Variants in PCDH11Y observed in about 807,000 individuals in gnomAD.
The protein encoded by PCDH11Y is protocadherin-11 Y-linked.
For missense variants in PCDH11Y, 12 were observed against 224.8 expected, an observed-to-expected ratio of 0.05 and a Z score of 6.05; for synonymous variants, 9 against 83.6, an observed-to-expected ratio of 0.11 and a Z score of 4.87.
At chrY:5,500,604 G>C in intron 2 of PCDH11Y, among the ~76,000 whole-genome samples, 1 of 33,327 alleles carries the variant, frequency 3.0e-5, no homozygotes, top group Non-Finnish European at 7.4e-5. Flanking sequence ...CTACATGATT[G>C]AATAAATTTG....
intron 2 of PCDH11Y, among the ~76,000 whole-genome samples, chrY:5,424,866 G>T: frequency 3.2e-5 from 1 of 31,366 alleles, no homozygotes; most frequent in Non-Finnish European, 7.7e-5. Flanking sequence ...TAGTAGAGAT[G>T]GGGTTTCACC....
chrY:5,495,752 G>T (rs2053343719), intron 2 of PCDH11Y, among the ~76,000 whole-genome samples: 36 of 33,266 alleles, frequency 1.1e-3, no homozygotes, highest in Admixed American at 2.2e-3. Flanking sequence ...TCACCTATCT[G>T]CATGCAGCCT....
At chrY:5,290,213 T>C (rs2053065942) in intron 2 of PCDH11Y, among the ~76,000 whole-genome samples, 1 of 33,291 alleles carries the variant, frequency 3.0e-5, no homozygotes, top group Non-Finnish European at 7.4e-5. Context: ...GGATCAATGA[T>C]GTTGAGCACT....
intron 3 of PCDH11Y, chrY:5,574,371 C>T: frequency 2.9e-6 from 1 of 340,318 alleles, no homozygotes; most frequent in Non-Finnish European, 4.2e-6. Flanking sequence ...CCACCACCCG[C>T]CGGAGAGTGG....
chrY:5,333,496 A>C (rs2053133220), intron 2 of PCDH11Y, among the ~76,000 whole-genome samples: 45 of 33,616 alleles, frequency 1.3e-3, no homozygotes, highest in Non-Finnish European at 2.9e-3. Context: ...GGGGGACTGC[A>C]ATGGAGAAAG....
chrY:5,603,924 AAAAG>A (rs2053476437), intron 4 of PCDH11Y, among the ~76,000 whole-genome samples: 7 of 25,836 alleles, frequency 2.7e-4, no homozygotes, highest in Non-Finnish European at 5.6e-4. Flanking sequence ...AGAAAGAAAG[AAAAG>A]AAAGAAAGAA....
chrY:5,226,485 C>A (rs2124653207), intron 2 of PCDH11Y, among the ~76,000 whole-genome samples: 1 of 24,813 alleles, frequency 4.0e-5, no homozygotes, highest in East Asian at 1.0e-3. Context: ...TGGTTGCCTG[C>A]TCTTATTGTC....
chrY:5,184,917 G>A, intron 2 of PCDH11Y, among the ~76,000 whole-genome samples: 1 of 30,881 alleles, frequency 3.2e-5, no homozygotes, highest in Non-Finnish European at 7.7e-5. Context: ...CTGTGTATAA[G>A]TTTTTTAGTT....
At chrY:5,136,507 G>A (rs2124641828) in intron 2 of PCDH11Y, among the ~76,000 whole-genome samples, 1 of 33,029 alleles carries the variant, frequency 3.0e-5, no homozygotes, top group Non-Finnish European at 7.5e-5. Flanking sequence ...AAACACTTCA[G>A]AAGGTAGATT....
chrY:5,648,352 A>G, intron 4 of PCDH11Y, among the ~76,000 whole-genome samples: 1 of 33,430 alleles, frequency 3.0e-5, no homozygotes, highest in Admixed American at 2.8e-4. Context: ...AAAAAAACAC[A>G]GTAGGATTGA....
chrY:5,267,578 C>G, intron 2 of PCDH11Y, among the ~76,000 whole-genome samples: 1 of 31,489 alleles, frequency 3.2e-5, no homozygotes, highest in Non-Finnish European at 7.7e-5. Context: ...CTAAAAATAG[C>G]TGTGCATTTT....
At chrY:5,462,152 G>A (rs2053304201) in intron 2 of PCDH11Y, among the ~76,000 whole-genome samples, 52 of 33,172 alleles carry the variant, frequency 1.6e-3, no homozygotes, top group Non-Finnish European at 3.3e-3. Context: ...AGACACTGGA[G>A]CCACAAGCTT....
chrY:5,684,618 A>G (rs2053561622), intron 4 of PCDH11Y, among the ~76,000 whole-genome samples: 1 of 33,336 alleles, frequency 3.0e-5, no homozygotes, highest in Non-Finnish European at 7.5e-5. Flanking sequence ...AATGTGATAC[A>G]TATACACAAT....
At chrY:5,512,838 G>A in intron 3 of PCDH11Y, among the ~76,000 whole-genome samples, 1 of 32,810 alleles carries the variant, frequency 3.0e-5, no homozygotes, top group South Asian at 6.7e-4. Context: ...TTACCATACT[G>A]GAGTTTGTAT....
At chrY:5,138,545 T>C (rs2052843944) in intron 2 of PCDH11Y, among the ~76,000 whole-genome samples, 1 of 32,959 alleles carries the variant, frequency 3.0e-5, no homozygotes, top group African/African-American at 1.2e-4. Context: ...CCAAATAAGC[T>C]CAATTAGAAA....
At chrY:5,232,758 C>T (rs2052969229) in intron 2 of PCDH11Y, among the ~76,000 whole-genome samples, 2 of 32,076 alleles carry the variant, frequency 6.2e-5, no homozygotes, top group Non-Finnish European at 7.6e-5. Flanking sequence ...CACTAGGACT[C>T]ACATACACGT....
intron 1 of PCDH11Y, among the ~76,000 whole-genome samples, chrY:5,002,524 A>G: frequency 3.0e-5 from 1 of 32,973 alleles, no homozygotes; most frequent in Admixed American, 2.7e-4. Flanking sequence ...TCCCAGCAGG[A>G]AATTCCAGCG....
chrY:5,712,448 T>C (rs2053587388), intron 4 of PCDH11Y, among the ~76,000 whole-genome samples: 1 of 33,471 alleles, frequency 3.0e-5, no homozygotes, highest in Non-Finnish European at 7.4e-5. Context: ...ACCAGGTTTT[T>C]TACCAAAACT....
At chrY:5,198,296 C>T in intron 2 of PCDH11Y, among the ~76,000 whole-genome samples, 1 of 27,595 alleles carries the variant, frequency 3.6e-5, no homozygotes, top group African/African-American at 1.4e-4. Flanking sequence ...TATAGGTGCC[C>T]GCCACCATGC....
Sources: gnomAD v4.1 joint callset for allele counts (sites outside exome capture counted in the v4.1 genomes callset) on GRCh38, gnomAD v4.1.1 for gene constraint, MANE v1.5 for transcripts, NCBI Gene and HGNC (gene_info 2026-07-23, HGNC 2026-07-21) for gene names.